ITGA1: variants seen among roughly 807,000 people sequenced by gnomAD.
ITGA1 encodes integrin subunit alpha 1.
A neutral mutation model predicts 145.9 loss-of-function variants in ITGA1; 85 were observed. The observed-to-expected ratio is 0.58, with a 90% CI of 0.49 to 0.70. The LOEUF (loss-of-function observed/expected upper bound fraction) is 0.70, where lower values mean the gene tolerates loss of function less well. ITGA1 is among the 30% of genes least tolerant of loss of function. The pLI, the probability that ITGA1 is intolerant of heterozygous loss-of-function variation, is 0.00. For synonymous variants in ITGA1, 520 were observed against 495.3 expected (o/e 1.05, Z -0.66); for missense variants, 1,351 against 1,418.7 (o/e 0.95, Z 0.77).
chr5:52,912,752 A>ATG (rs1333581841), intron 14 of ITGA1, among the ~76,000 whole-genome samples: 1 of 142,548 alleles, frequency 7.0e-6, no homozygotes, highest in African/African-American at 2.8e-5. Flanking sequence ...ATATATATAT[A>ATG]TATTTTTTTT....
chr5:52,897,684 T>C (rs1750247727), intron 10 of ITGA1, among the ~76,000 whole-genome samples, 156 bp downstream of exon 10: 1 of 152,186 alleles, frequency 6.6e-6, no homozygotes, highest in African/African-American at 2.4e-5. Context: ...AATAGGAAAA[T>C]ATCATTTCAC....
rs142807449 is a variant in ITGA1 at position 52,872,210 on chromosome 5, A to G, written c.624+6393A>G. Among the ~76,000 whole-genome samples, 12 of 152,260 alleles carry G rather than the reference A, an allele frequency of 7.9e-5. No individual in the cohort carries two copies. In the East Asian group the frequency reaches 2.3e-3, roughly 29 times the overall value. On this transcript the variant is annotated intron_variant, in intron 6 of 28. Transcript: ENST00000282588. ...CTGCTGATTTTATGGCCATTTCCCT[A>G]GAAGCCTTAAATCTGGGGCCTGATT...
chr5:52,912,790 A>G (rs1208977627), intron 14 of ITGA1, among the ~76,000 whole-genome samples: 2 of 149,448 alleles, frequency 1.3e-5, no homozygotes, highest in Admixed American at 1.3e-4. Context: ...TCTGTCGCCC[A>G]GGCTAGACTG....
At chr5:52,907,650 A>C (rs1024157165) in intron 12 of ITGA1, among the ~76,000 whole-genome samples, 1 of 152,178 alleles carries the variant, frequency 6.6e-6, no homozygotes, top group Non-Finnish European at 1.5e-5. Flanking sequence ...AACAGTAAGC[A>C]CAAATTCAGA....
chr5:52,910,115 G>A (rs775080102), intron 13 of ITGA1, 47 bp from the exon 14 acceptor site: 43 of 1,550,686 alleles, frequency 2.8e-5, no homozygotes, highest in Non-Finnish European at 3.8e-5. Context: ...CTACTCTGCT[G>A]TAGTAATGAT....
At chr5:52,891,261 T>C (rs1442350929) in intron 8 of ITGA1, among the ~76,000 whole-genome samples, 2 of 120,430 alleles carry the variant, frequency 1.7e-5, no homozygotes, top group African/African-American at 5.7e-5. Context: ...GTTTTTTTTT[T>C]CTTTTTTTTT....
intron 14 of ITGA1, 37 bp downstream of exon 14, chr5:52,910,456 G>A: frequency 6.3e-7 from 1 of 1,592,778 alleles, no homozygotes; most frequent in Non-Finnish European, 8.6e-7. Flanking sequence ...ACCCTTCAGT[G>A]ATAAGTCGGT....
intron 10 of ITGA1, among the ~76,000 whole-genome samples, chr5:52,898,013 A>G (rs574913776): frequency 1.3e-5 from 2 of 152,236 alleles, no homozygotes; most frequent in South Asian, 2.1e-4. Flanking sequence ...TTCCATGTGC[A>G]ATTTTACTGT....
intron 14 of ITGA1, among the ~76,000 whole-genome samples, chr5:52,912,503 CACTATAGGTATTATATAT>C (rs1481343260): frequency 6.6e-5 from 7 of 106,144 alleles, no homozygotes; most frequent in African/African-American, 2.7e-4. Flanking sequence ...ATAGTGTATC[CACTATAGGTATTATATAT>C]AGTGTATCCA....
chr5:52,850,066 G>C (rs911633659), intron 2 of ITGA1, among the ~76,000 whole-genome samples: 4 of 150,462 alleles, frequency 2.7e-5, no homozygotes, highest in African/African-American at 9.8e-5. Flanking sequence ...ACAGTGGAGC[G>C]ATCTCAGCTC....
chr5:52,825,216 G>A (rs1020346295), intron 1 of ITGA1: 3 of 152,102 alleles, frequency 2.0e-5, no homozygotes, highest in African/African-American at 4.8e-5. Context: ...AAGGTATTTT[G>A]TGTCTGGCTT....
Position 52,827,780 on chromosome 5 carries a change from C to T in ITGA1, c.62-21585C>T, listed in dbSNP as rs138593354. ...CACTGAAGGCTCAGATGATTGTTAG[C>T]GTTTTTAATCAATAAATTATTTTAA... is the stretch of plus-strand genomic sequence containing the variant. On this transcript the variant is annotated intron_variant, in intron 1 of 28. Coordinates refer to ENST00000282588, the MANE Select transcript of ITGA1 (RefSeq NM_181501.2). Among the ~76,000 whole-genome samples the T allele has an allele frequency of 3.0e-3, 454 of 152,200 alleles. 2 individuals carry two copies. Among genetic ancestry groups the T allele is most frequent in the African/African-American group, 9.9e-3 (412 of 41,526 alleles).
chr5:52,922,536 C>CT (rs1015149077), intron 17 of ITGA1, among the ~76,000 whole-genome samples: 2 of 152,138 alleles, frequency 1.3e-5, no homozygotes, highest in Non-Finnish European at 2.9e-5. Flanking sequence ...GCAGGGCCCT[C>CT]TGAGGAACTG....
At position 52,881,855 on chromosome 5, in the gene ITGA1, A is replaced by G; in HGVS notation, c.625-18A>G. 2 of 1,598,628 alleles carry G rather than the reference A, an allele frequency of 1.3e-6. No homozygotes were observed. Among genetic ancestry groups the G allele is most frequent in the African/African-American group, 1.3e-5 (1 of 74,400 alleles). ...AAATTTGGATTGACGTATAACTCAC[A>G]GTGGCTTGGTATTTCAGGTTGGAAT... On this transcript the variant is annotated intron_variant, in intron 6 of 28. Coordinates refer to ENST00000282588, the MANE Select transcript of ITGA1 (RefSeq NM_181501.2).
Position 52,820,780 on chromosome 5 carries a change from G to T in ITGA1, c.62-28585G>T, listed in dbSNP as rs139802248. 2.0e-5 allele frequency among the ~76,000 whole-genome samples: 3 copies of T among 152,192 alleles called. No individual in the cohort carries two copies. The East Asian group carries it at 5.8e-4, about 29-fold the overall frequency. ...GACCAGAAATCAATCAGGTAAACAT[G>T]AATAAGAAATTTATAGTATTATCTC... On this transcript the variant is annotated intron_variant, in intron 1 of 28. Transcript: ENST00000282588.
chr5:52,865,708 A>G lies in ITGA1; in HGVS notation c.515A>G (p.Asp172Gly), dbSNP rs747952605. The G allele has an allele frequency of 5.1e-6, 8 of 1,570,158 alleles. No homozygotes were observed. The highest frequency in any genetic ancestry group is 6.9e-6 in the Non-Finnish European group (8 of 1,165,370). Residue 172 changes from aspartate (D) to glycine (G), a missense_variant, in exon 6 of 29, where the codon GAC becomes GGC. By Grantham distance (94) the Asp-to-Gly change is moderately conservative. Transcript: ENST00000282588. Reference protein sequence around the residue: ...APVQECSTQLDIVIVLDGSNS... With the variant: ...APVQECSTQLGIVIVLDGSNS... ...ATTGCAGAATGCAGCACTCAACTGG[A>G]CATAGTCATAGTGCTGGATGGTTCC...
At chr5:52,939,395 A>G (rs10513004) in intron 24 of ITGA1, among the ~76,000 whole-genome samples, 195 bp from the exon 25 acceptor site, 26,827 of 152,198 alleles carry the variant, frequency 0.18, 2,650 homozygotes, top group Middle Eastern at 0.25. Context: ...GTAAGAGTAC[A>G]TATTATCTTG....
At chr5:52,837,144 C>T (rs1321354211) in intron 1 of ITGA1, among the ~76,000 whole-genome samples, 1 of 152,148 alleles carries the variant, frequency 6.6e-6, no homozygotes, top group Admixed American at 6.6e-5. Flanking sequence ...GACAAAGAAT[C>T]AGACTGATGA....
rs1244641147 is a variant in ITGA1 at position 52,937,525 on chromosome 5, T to C, written c.3078+11T>C. ...TTGTCATCTTCTGAGGTAAGTCATG[T>C]GTGCCTTGGAATTATGTCATTACTG... is the stretch of plus-strand genomic sequence containing the variant. On this transcript the variant is annotated intron_variant, in intron 24 of 28. Transcript: ENST00000282588. 1 of 1,477,986 alleles carries C rather than the reference T, an allele frequency of 6.8e-7. No homozygotes were observed. Among genetic ancestry groups the C allele is most frequent in the Non-Finnish European group, 9.5e-7 (1 of 1,056,678 alleles). The allele number at this position is 1,477,986 out of a possible 1,614,324, so 91.6% of individuals were successfully genotyped here. A position where few individuals can be genotyped will look rare whatever the true frequency, so the allele number is the denominator to read the frequency against.
Sources: gnomAD v4.1 joint callset for allele counts (sites outside exome capture counted in the v4.1 genomes callset) on GRCh38, gnomAD v4.1.1 for gene constraint, MANE v1.5 for transcripts, NCBI Gene and HGNC (gene_info 2026-07-23, HGNC 2026-07-21) for gene names.